The following KASH5 variants were observed in gnomAD, a reference collection of about 807,000 sequenced individuals.
KASH5 encodes protein KASH5.
Under a neutral mutation model 84.2 loss-of-function variants are expected in KASH5, and 72 were observed. The ratio of observed to expected loss-of-function variants is 0.85; its 90% CI spans 0.71 to 1.04. KASH5 has a LOEUF of 1.04. Ranked by LOEUF, KASH5 falls within the 50% of genes least tolerant of loss-of-function variation. KASH5 has a pLI of 0.00. For missense variants in KASH5, 650 were observed against 701.0 expected (o/e 0.93, Z 0.82); for synonymous variants, 260 against 279.1 (o/e 0.93, Z 0.68).
At chr19:49,406,313 C>T (rs922570031) in intron 9 of KASH5, among the ~76,000 whole-genome samples, 17 of 152,062 alleles carry the variant, frequency 1.1e-4, no homozygotes, top group Non-Finnish European at 1.9e-4. Flanking sequence ...TAAGTGTTAG[C>T]GATTATTAAC....
At chr19:49,409,133 T>C in intron 13 of KASH5, 63 bp from the exon 14 acceptor site, 1 of 1,594,888 alleles carries the variant, frequency 6.3e-7, no homozygotes, top group South Asian at 1.1e-5. Flanking sequence ...GAGGCCAGCA[T>C]GAGCTGACTG....
Position 49,409,823 on chromosome 19 carries a change from A to G in KASH5, c.1217A>G (p.His406Arg). The G allele has an allele frequency of 1.9e-6, 3 of 1,613,984 alleles. No individual in the cohort carries two copies. Among genetic ancestry groups the G allele is most frequent in the Non-Finnish European group, 2.5e-6 (3 of 1,179,862 alleles). Residue 406 changes from histidine to arginine, a missense_variant, in exon 15 of 20, where the codon CAT (histidine) becomes CGT (arginine). Transcript: ENST00000447857. ...CGVWQWEEVIHETSEETEFPS... is the reference protein window; with the variant it reads ...CGVWQWEEVIRETSEETEFPS... ...GTGTGGCAGTGGGAGGAAGTCATCC[A>G]TGAGACCAGTGAGGAAACTGAGTTT...
intron 5 of KASH5, among the ~76,000 whole-genome samples, chr19:49,396,580 A>T (rs1024598996): frequency 1.3e-5 from 2 of 152,114 alleles, no homozygotes; most frequent in African/African-American, 4.8e-5. Context: ...GCAAAGGGGA[A>T]GCCCTGGTAT....
At chr19:49,407,217 T>C in intron 10 of KASH5, 23 bp from the exon 11 acceptor site, 1 of 1,612,364 alleles carries the variant, frequency 6.2e-7, no homozygotes, top group Admixed American at 1.7e-5. Context: ...GCTGGATGGA[T>C]GGACCGGCTC....
chr19:49,394,846 G>T, intron 3 of KASH5: 1 of 587,636 alleles, frequency 1.7e-6, no homozygotes, highest in South Asian at 2.2e-5. Flanking sequence ...AGCCACCATG[G>T]TGGCGTGGGG....
chr19:49,390,211 C>T (rs536828371), intron 1 of KASH5: 11 of 152,386 alleles, frequency 7.2e-5, no homozygotes, highest in African/African-American at 2.2e-4. Flanking sequence ...CACGGCCCCT[C>T]GCTTCCCGGA....
In KASH5 at chr19:49,417,408, CCTGCTG is replaced by C; in HGVS notation, c.1602_1607del (p.Leu535_Leu536del). The C allele has an allele frequency of 1.9e-6, 3 of 1,553,802 alleles. No individual in the cohort carries two copies. The highest frequency in any genetic ancestry group is 1.2e-5 in the South Asian group (1 of 84,176). On this transcript the variant is annotated inframe_deletion, in exon 20 of 20. Coordinates refer to ENST00000447857, the MANE Select transcript of KASH5 (RefSeq NM_144688.5). The surrounding 1 kb of genome is among the most constrained non-coding windows in gnomAD (Gnocchi z 5.2). Reference sequence around the variant, plus strand: ...CACTGATCCCAGCTCCTGTCCTGGGCCTGCTGCTGCTGCTGCTGCTCTCTGTCCTGC... The same window carrying C: ...CACTGATCCCAGCTCCTGTCCTGGGCCTGCTGCTGCTGCTCTCTGTCCTGC...
rs768373881 is a variant in KASH5, at chr19:49,417,335, C to A, written c.1548-34C>A. 1 of 1,562,138 alleles carries A rather than the reference C, an allele frequency of 6.4e-7. No individual in the cohort carries two copies. Among genetic ancestry groups the A allele is most frequent in the Admixed American group, 1.9e-5 (1 of 52,586 alleles). On this transcript the variant is annotated intron_variant, in intron 19 of 19. Transcript: ENST00000447857. This position sits in a 1 kb window ranked among gnomAD's most constrained non-coding sequence, Gnocchi z 5.2. The stretch of plus-strand genomic sequence containing the variant: ...TTGGGAAGAGCAGGGGCTGCCCAGA[C>A]CCTGCCCTAAATGCTCTCCCACCTC...
chr19:49,408,870 A>G lies in KASH5; in HGVS notation c.994-97A>G, dbSNP rs78885599. On this transcript the variant is annotated intron_variant, in intron 12 of 19. Coordinates refer to ENST00000447857, the MANE Select transcript of KASH5 (RefSeq NM_144688.5). ...TGTGTCTGGGGAGCCCAAAGTAGTC[A>G]GGAAAGGGGAAAGAACCCTGGAAGA... 9,652 of 1,300,296 alleles carry G rather than the reference A, an allele frequency of 7.4e-3. 527 individuals carry two copies. In the African/African-American group the frequency reaches 0.12, roughly 16 times the overall value. The allele number at this position is 1,300,296 out of a possible 1,614,324, so 80.5% of individuals were successfully genotyped here. A position where few individuals can be genotyped will look rare whatever the true frequency, so the allele number is the denominator to read the frequency against.
rs1464866467 is a variant in KASH5 at position 49,414,978 on chromosome 19, T to A, written c.1356T>A (p.Asp452Glu). 1 of 1,613,008 alleles carries A rather than the reference T, an allele frequency of 6.2e-7. No individual in the cohort carries two copies. The highest frequency in any genetic ancestry group is 1.1e-5 in the South Asian group (1 of 90,690). ...TGACCAGAAGAGAGGAAGAGGAGGA[T>A]GCAGAGAGCCAGGTCACGGTAGGCA... ...MWLTRREEEE[D>E]AESQVTADLP... Residue 452 changes from aspartate (D) to glutamate (E), a missense_variant, in exon 17 of 20, where the codon GAT (aspartate) becomes GAA (glutamate). Asp to Glu is a conservative substitution (Grantham distance 45, BLOSUM62 2). Transcript: ENST00000447857. This position sits in a 1 kb window ranked among gnomAD's most constrained non-coding sequence, Gnocchi z 4.5.
Position 49,395,634 on chromosome 19 carries a change from C to G in KASH5, c.336-135C>G, listed in dbSNP as rs140214390. 201 of 859,698 alleles carry G rather than the reference C, an allele frequency of 2.3e-4. 1 individual carries two copies. In the East Asian group the frequency reaches 4.7e-3, roughly 20 times the overall value. 53.3% of individuals were successfully genotyped at this position (859,698 alleles called of 1,614,324 possible). A position where few individuals can be genotyped will look rare whatever the true frequency, so the allele number is the denominator to read the frequency against. On this transcript the variant is annotated intron_variant, in intron 4 of 19. Transcript: ENST00000447857. This position sits in a 1 kb window ranked among gnomAD's most constrained non-coding sequence, Gnocchi z 4.4. ...TGGCCACGGGCACTTGCCATCTGGC[C>G]TCACCCTCCTACCCTGTGGTGCCAG...
chr19:49,394,449 G>T, intron 2 of KASH5, 27 bp from the exon 3 acceptor site: 1 of 1,580,714 alleles, frequency 6.3e-7, no homozygotes, highest in Non-Finnish European at 8.7e-7. Context: ...CTTCCCACTG[G>T]TGAGCTGAGC....
chr19:49,398,053 A>T lies in KASH5; in HGVS notation c.539A>T (p.Asn180Ile). The T allele has an allele frequency of 3.1e-6, 5 of 1,613,834 alleles. No individual in the cohort carries two copies. The East Asian group carries it at 1.1e-4, about 36-fold the overall frequency. Residue 180 changes from asparagine (N) to isoleucine (I), a missense_variant, in exon 7 of 20, where the codon AAT (asparagine) becomes ATT (isoleucine). Coordinates refer to ENST00000447857, the MANE Select transcript of KASH5 (RefSeq NM_144688.5). Reference sequence around the variant, plus strand: ...AGCAACCGACGTCTGGTTGGGGAGAATGCCAAATTGCAGCGGAGCATGGAG... The same window carrying T: ...AGCAACCGACGTCTGGTTGGGGAGATTGCCAAATTGCAGCGGAGCATGGAG... ...ELSNRRLVGENAKLQRSMETA... is the reference protein window; with the variant it reads ...ELSNRRLVGEIAKLQRSMETA...
chr19:49,404,422 C>G (rs1486335520), intron 9 of KASH5, among the ~76,000 whole-genome samples: 2 of 152,204 alleles, frequency 1.3e-5, no homozygotes, highest in Non-Finnish European at 2.9e-5. Context: ...CTGGCATGGG[C>G]TGCCCTCTCC....
At chr19:49,415,888 A>G (rs1277360139) in intron 17 of KASH5, among the ~76,000 whole-genome samples, 1 of 152,164 alleles carries the variant, frequency 6.6e-6, no homozygotes, top group African/African-American at 2.4e-5. Context: ...TGCCATTATC[A>G]TTGTCATTCA....
chr19:49,390,577 C>T (rs924907523), intron 1 of KASH5, among the ~76,000 whole-genome samples: 1 of 152,156 alleles, frequency 6.6e-6, no homozygotes. Flanking sequence ...TGACCTCCCC[C>T]ACCCACCCAC....
intron 2 of KASH5, chr19:49,391,565 C>T (rs557186281): frequency 6.6e-6 from 1 of 151,904 alleles, no homozygotes; most frequent in African/African-American, 2.4e-5. Context: ...TGTATATAGC[C>T]AATATATAGC....
Position 49,398,106 on chromosome 19 carries a change from G to A in KASH5, c.592G>A (p.Gly198Arg). ...AGCTGAGGAGGGGTCAGCACGCCTT[G>A]GGGAGGAGATCTTGGCTCTGCGTAA... is the stretch of plus-strand genomic sequence containing the variant. ...ETAEEGSARL[G>R]EEILALRKQL... is the part of the protein sequence containing the mutation. Residue 198 changes from glycine to arginine, a missense_variant, in exon 7 of 20, where the codon GGG (glycine) becomes AGG (arginine). Transcript: ENST00000447857. 1.9e-6 allele frequency: 3 copies of A among 1,604,750 alleles called. No homozygotes were observed. The highest frequency in any genetic ancestry group is 2.6e-6 in the Non-Finnish European group (3 of 1,172,712).
rs571073268 is a variant in KASH5 at position 49,393,206 on chromosome 19, A to G, written c.44-1270A>G. 8.5e-5 allele frequency: 13 copies of G among 152,332 alleles called. No homozygotes were observed. In the East Asian group the frequency reaches 2.5e-3, roughly 29 times the overall value. 9.4% of individuals were successfully genotyped at this position (152,332 alleles called of 1,614,324 possible). ...TAGCATCGATTATTATTATGCTAGT[A>G]GACAGTTCATGTAAAGTGCTCAGAA... On this transcript the variant is annotated intron_variant, in intron 2 of 19. Transcript: ENST00000447857.
Sources: allele counts gnomAD v4.1 joint callset (sites outside exome capture counted in the v4.1 genomes callset), GRCh38; gene constraint gnomAD v4.1.1; non-coding constraint Gnocchi (gnomAD v3.1); transcripts MANE v1.5; gene names NCBI Gene and HGNC (gene_info 2026-07-23, HGNC 2026-07-21).